The following IL7 variants were observed in gnomAD, a reference collection of about 807,000 sequenced individuals.
The protein encoded by IL7 is interleukin-7.
In IL7, 3 loss-of-function variants were observed where a neutral mutation model predicts 21.6. The ratio of observed to expected loss-of-function variants is 0.14; its 90% CI spans 0.06 to 0.36. IL7 has a LOEUF of 0.36. Among genes scored for constraint, IL7 ranks in the 10% least tolerant of loss-of-function variants. IL7 has a pLI of 1.00. For missense variants in IL7, 175 were observed against 200.2 expected (o/e 0.87, Z 0.76); for synonymous variants, 62 against 68.1 (o/e 0.91, Z 0.44).
At chr8:78,748,121 G>T (rs1812045027) in intron 2 of IL7, among the ~76,000 whole-genome samples, 1 of 152,216 alleles carries the variant, frequency 6.6e-6, no homozygotes, top group Non-Finnish European at 1.5e-5. Context: ...AGCTGGAAGA[G>T]ACCAAATTAT....
At chr8:78,769,962 T>C (rs1013925010) in intron 2 of IL7, among the ~76,000 whole-genome samples, 1 of 152,058 alleles carries the variant, frequency 6.6e-6, no homozygotes, top group Admixed American at 6.5e-5. Context: ...TAAATGGTGC[T>C]GGGAAAACTG....
rs954269928 is a variant in IL7, at chr8:78,681,321, T to C, written n.273+4568A>G. Among the ~76,000 whole-genome samples the C allele has an allele frequency of 2.0e-5, 3 of 152,098 alleles. No individual in the cohort carries two copies. The East Asian group carries it at 5.8e-4, about 29-fold the overall frequency. ...TAATAGAAAATATATTAGCTCAGCA[T>C]TGATAAAAGATACTATGAGAAAAAA... On this transcript the variant is annotated intron_variant and non_coding_transcript_variant, in intron 4 of 4. Coordinates refer to the IL7 transcript ENST00000523959.
chr8:78,676,900 T>C (rs1809600205), intron 4 of IL7, among the ~76,000 whole-genome samples: 2 of 152,058 alleles, frequency 1.3e-5, no homozygotes, highest in Non-Finnish European at 2.9e-5. Context: ...TGAATTATGT[T>C]GGGAAACAAG....
intron 2 of IL7, among the ~76,000 whole-genome samples, chr8:78,779,445 G>A (rs905244672): frequency 2.0e-5 from 3 of 151,926 alleles, no homozygotes; most frequent in Non-Finnish European, 4.4e-5. Context: ...TTTTAACATG[G>A]GGGGATGTTG....
At chr8:78,752,178 A>G (rs1183927083) in intron 2 of IL7, among the ~76,000 whole-genome samples, 1 of 152,144 alleles carries the variant, frequency 6.6e-6, no homozygotes, top group African/African-American at 2.4e-5. Context: ...TTGTTTGTTG[A>G]TGGACACCTA....
intron 4 of IL7, among the ~76,000 whole-genome samples, chr8:78,680,312 A>T (rs1020187400): frequency 6.9e-6 from 1 of 144,488 alleles, no homozygotes; most frequent in African/African-American, 2.5e-5. Flanking sequence ...AAAAAAAAAA[A>T]AAAGCAAAGT....
chr8:78,762,360 T>G (rs1371820958), intron 2 of IL7: 49 of 1,612,694 alleles, frequency 3.0e-5, no homozygotes, highest in Admixed American at 5.0e-5. Context: ...CGCGGGAAGC[T>G]GAAGAAGGCC....
rs774335199 is a variant in IL7 at position 78,748,020 on chromosome 8, T to C, written c.148-7938A>G. 2.2e-4 allele frequency among the ~76,000 whole-genome samples: 34 copies of C among 152,196 alleles called. 2 individuals are homozygous for C. The highest frequency in any genetic ancestry group is 4.6e-4 in the Non-Finnish European group (31 of 68,026). ...GACTACTTTGAAGAGAGAGGGATCA[T>C]GGCCTGTATGTGGCTAGAAAGAAGA... On this transcript the variant is annotated intron_variant, in intron 2 of 5. Transcript: ENST00000263851.
At chr8:78,689,205 G>A (rs761376001) in intron 3 of IL7, 33 of 1,450,528 alleles carry the variant, frequency 2.3e-5, no homozygotes, top group African/African-American at 8.8e-5. Flanking sequence ...ATCTGTTTCC[G>A]TTTTTATCTG....
At chr8:78,718,748 ATAGTAGT>A (rs1404295285) in intron 6 of IL7, 3 of 151,826 alleles carry the variant, frequency 2.0e-5, no homozygotes, top group Admixed American at 6.6e-5. Context: ...TCAGTATATC[ATAGTAGT>A]TAGTAGTAGA....
At chr8:78,760,061 T>G in intron 2 of IL7, 1 of 1,336,754 alleles carries the variant, frequency 7.5e-7, no homozygotes, top group Non-Finnish European at 9.9e-7. Flanking sequence ...CAAAGATATT[T>G]AGTGATTAAG....
intron 2 of IL7, among the ~76,000 whole-genome samples, chr8:78,758,332 A>C (rs1812423953): frequency 6.6e-6 from 1 of 151,970 alleles, no homozygotes; most frequent in Non-Finnish European, 1.5e-5. Context: ...TGTTCTGTAT[A>C]TCCTTTGTTT....
At chr8:78,719,484 T>C (rs2130627962) in intron 5 of IL7, 1 of 151,928 alleles carries the variant, frequency 6.6e-6, no homozygotes, top group Admixed American at 6.6e-5. Flanking sequence ...ACTTGCATAT[T>C]CTCACATTGA....
At position 78,679,068 on chromosome 8, in the gene IL7, G is replaced by T. The variant is rs1225869410; in HGVS notation, n.274-2964C>A. On this transcript the variant is annotated intron_variant and non_coding_transcript_variant, in intron 4 of 4. Coordinates refer to the IL7 transcript ENST00000523959. ...TTATGATAATCTCTACATCCAAAAA[G>T]TTAAGCCATTATTTACAGACATTTT... 5.2e-5 allele frequency: 8 copies of T among 152,952 alleles called. No homozygotes were observed. In the Admixed American group the frequency reaches 5.2e-4, roughly 10 times the overall value. The allele number at this position is 152,952 out of a possible 1,614,324, so 9.5% of individuals were successfully genotyped here. A position where few individuals can be genotyped will look rare whatever the true frequency, so the allele number is the denominator to read the frequency against.
At chr8:78,801,393 A>C (rs1021940084) in intron 1 of IL7, among the ~76,000 whole-genome samples, 9 of 152,166 alleles carry the variant, frequency 5.9e-5, no homozygotes, top group African/African-American at 1.9e-4. Flanking sequence ...TGGTTTGGGT[A>C]ATTTCATCAT....
At chr8:78,709,830 A>G (rs565564405) in intron 3 of IL7, among the ~76,000 whole-genome samples, 1 of 152,316 alleles carries the variant, frequency 6.6e-6, no homozygotes, top group East Asian at 1.9e-4. Context: ...CTGGTTGGAC[A>G]AGATTGCCTT....
chr8:78,761,717 T>C (rs4739138), intron 2 of IL7: 165,816 of 1,611,734 alleles, frequency 0.1, 11,661 homozygotes, highest in African/African-American at 0.29. Context: ...CTCTAGCATC[T>C]GCCTCTGCTG....
chr8:78,798,050 G>A, intron 2 of IL7, 22 bp downstream of exon 2: 1 of 1,574,792 alleles, frequency 6.4e-7, no homozygotes, highest in Non-Finnish European at 8.7e-7. Flanking sequence ...GAAAATGTGA[G>A]TAAAACAAAA....
At chr8:78,722,102 C>G (rs1197578167) in intron 3 of IL7, among the ~76,000 whole-genome samples, 1 of 151,792 alleles carries the variant, frequency 6.6e-6, no homozygotes, top group East Asian at 1.9e-4. Context: ...GGTAAGTTAT[C>G]TTTTATATTT....
Sources: allele counts gnomAD v4.1 joint callset (sites outside exome capture counted in the v4.1 genomes callset), GRCh38; gene constraint gnomAD v4.1.1; transcripts MANE v1.5; gene names NCBI Gene and HGNC (gene_info 2026-07-23, HGNC 2026-07-21).